Variants in EXD1 observed in about 807,000 individuals in gnomAD.
EXD1 encodes the protein exonuclease 3'-5' domain containing 1, also known as piRNA biogenesis protein EXD1.
EXD1 carries 63 observed loss-of-function variants against 49.1 expected under a neutral mutation model. That is an observed-to-expected ratio of 1.28 (90% CI 1.05 to 1.58). The LOEUF is 1.58. Ranked by LOEUF, EXD1 falls within the 40% of genes most tolerant of loss-of-function variation. The pLI is 0.00. For missense variants in EXD1, 748 were observed against 666.0 expected, an observed-to-expected ratio of 1.12 and a Z score of -1.36; for synonymous variants, 234 against 239.2, an observed-to-expected ratio of 0.98 and a Z score of 0.20.
intron 4 of EXD1, 50 bp from the exon 5 acceptor site, chr15:41,216,845 C>T (rs773727792): frequency 3.6e-5 from 58 of 1,602,086 alleles, no homozygotes; most frequent in South Asian, 2.3e-4. Context: ...TTGTTGTTGA[C>T]ACCAAAAACA....
intron 3 of EXD1, among the ~76,000 whole-genome samples, chr15:41,218,067 A>T (rs2047028278): frequency 6.6e-6 from 1 of 152,198 alleles, no homozygotes; most frequent in African/African-American, 2.4e-5. Flanking sequence ...CTTTGAGCTT[A>T]AAAATTATGA....
In EXD1 at chr15:41,184,468, C is replaced by A; in HGVS notation, c.1182G>T (p.Gln394His). Residue 394 changes from glutamine (Q) to histidine (H), a missense_variant, in exon 12 of 12, where the codon CAG becomes CAT. Gln to His is a conservative substitution (Grantham distance 24, BLOSUM62 0). Coordinates refer to ENST00000458580, the MANE Select transcript of EXD1 (RefSeq NM_001286441.2). Reference protein sequence around the residue: ...AQGLLIRTVLQPKKLVTETAG... With the variant: ...AQGLLIRTVLHPKKLVTETAG... ...CTGTCTCTGTCACTAATTTCTTTGG[C>A]TGTAGCACTGTCCTTATCAGGAGTC... 1 of 1,614,154 alleles carries A rather than the reference C, an allele frequency of 6.2e-7. No homozygotes were observed. Among genetic ancestry groups the A allele is most frequent in the Non-Finnish European group, 8.5e-7 (1 of 1,180,038 alleles).
chr15:41,212,462 A>G (rs970610039), intron 6 of EXD1, among the ~76,000 whole-genome samples: 1 of 151,828 alleles, frequency 6.6e-6, no homozygotes, highest in Non-Finnish European at 1.5e-5. Flanking sequence ...CTCAAAAAAA[A>G]AGAAATTGGA....
chr15:41,207,752 C>A (rs944973921), intron 7 of EXD1, among the ~76,000 whole-genome samples: 8 of 151,818 alleles, frequency 5.3e-5, no homozygotes, highest in African/African-American at 1.9e-4. Context: ...CAGCTGTAGT[C>A]CAGATCCCAG....
intron 1 of EXD1, among the ~76,000 whole-genome samples, chr15:41,230,082 C>CTTTT (rs1156382525): frequency 1.1e-4 from 14 of 122,266 alleles, no homozygotes; most frequent in African/African-American, 3.9e-4. Flanking sequence ...TGGCTTTTAC[C>CTTTT]TTTTTTTTTT....
chr15:41,226,238 C>T lies in EXD1; in HGVS notation c.133+205G>A, dbSNP rs372897950. On this transcript the variant is annotated intron_variant, in intron 2 of 11. Transcript: ENST00000458580. ...CTGCACTCCAGCCTGGGCAACAGAGCGAGACTCCATCTCAAAAAAAAAAAG... is the reference window on the plus strand; with the variant it reads ...CTGCACTCCAGCCTGGGCAACAGAGTGAGACTCCATCTCAAAAAAAAAAAG... Among the ~76,000 whole-genome samples the T allele has an allele frequency of 7.3e-5, 11 of 151,400 alleles. No individual in the cohort carries two copies. The East Asian group carries it at 7.7e-4, about 11-fold the overall frequency.
intron 11 of EXD1, among the ~76,000 whole-genome samples, chr15:41,188,591 C>T (rs991545313): frequency 2.0e-5 from 3 of 151,800 alleles, no homozygotes; most frequent in African/African-American, 7.3e-5. Context: ...CGGGGTTTCA[C>T]CATGTTTGCC....
intron 7 of EXD1, among the ~76,000 whole-genome samples, chr15:41,200,304 C>G (rs1019648369): frequency 1.3e-5 from 2 of 152,132 alleles, no homozygotes; most frequent in African/African-American, 4.8e-5. Context: ...GGGTGGATCA[C>G]CTGAGGTCAG....
chr15:41,215,832 C>T lies in EXD1; in HGVS notation c.390G>A (p.Glu130=). ...LLNDLKYSPS[E]EEEVTYTVIN... ...TGACTGTGTATGTCACCTCCTCTTC[C>T]TCTACAAGACAAGGATTGCATTAGA... The change falls in exon 6 of 12, where the codon GAG becomes GAA. Residue 130 remains glutamate (E), a splice_region_variant and synonymous_variant. Transcript: ENST00000458580. 1 of 1,613,792 alleles carries T rather than the reference C, an allele frequency of 6.2e-7. No homozygotes were observed. Among genetic ancestry groups the T allele is most frequent in the Non-Finnish European group, 8.5e-7 (1 of 1,179,784 alleles).
At chr15:41,188,965 G>C (rs971507451) in intron 11 of EXD1, among the ~76,000 whole-genome samples, 2 of 151,152 alleles carry the variant, frequency 1.3e-5, no homozygotes, top group African/African-American at 4.9e-5. Context: ...ACCACGCCTG[G>C]CTCATTTTTT....
intron 1 of EXD1, among the ~76,000 whole-genome samples, chr15:41,226,951 A>G (rs1344764616): frequency 6.6e-6 from 1 of 152,230 alleles, no homozygotes; most frequent in Non-Finnish European, 1.5e-5. Flanking sequence ...CATTATAACA[A>G]AAAAATGAAA....
At chr15:41,220,778 G>A (rs2047076218) in intron 2 of EXD1, among the ~76,000 whole-genome samples, 2 of 152,192 alleles carry the variant, frequency 1.3e-5, no homozygotes, top group East Asian at 1.9e-4. Context: ...CCAAATAATT[G>A]AGTTCCACCC....
At position 41,226,488 on chromosome 15, in the gene EXD1, C is replaced by T. The variant is rs776577949; in HGVS notation, c.88G>A (p.Val30Met). ...TTATTAGGGTCAACATGCTGAAGCA[C>T]ACCCTCGAAGACACCACAGACCAAT... ...LTLVCGVFEG[V>M]LQHVDPNKIV... is the part of the protein sequence containing the mutation. The change falls in exon 2 of 12, where the codon GTG becomes ATG. Residue 30 changes from valine to methionine, a missense_variant. By Grantham distance (21) the Val-to-Met change is conservative (BLOSUM62 1). Transcript: ENST00000458580. 45 of 1,535,956 alleles carry T rather than the reference C, an allele frequency of 2.9e-5. No homozygotes were observed. The highest frequency in any genetic ancestry group is 3.5e-5 in the Non-Finnish European group (40 of 1,146,898).
At chr15:41,224,977 A>AC (rs397754736) in intron 2 of EXD1, among the ~76,000 whole-genome samples, 2 of 151,584 alleles carry the variant, frequency 1.3e-5, no homozygotes, top group African/African-American at 4.9e-5. Flanking sequence ...TAAAAAAAAA[A>AC]GGATAGCCCT....
At chr15:41,218,136 G>A (rs1238923966) in intron 3 of EXD1, among the ~76,000 whole-genome samples, 1 of 152,126 alleles carries the variant, frequency 6.6e-6, no homozygotes, top group African/African-American at 2.4e-5. Flanking sequence ...CCTGAGGTCA[G>A]GAGTTCGAGA....
At chr15:41,226,812 A>C (rs1186105418) in intron 1 of EXD1, among the ~76,000 whole-genome samples, 184 bp from the exon 2 acceptor site, 1 of 152,190 alleles carries the variant, frequency 6.6e-6, no homozygotes, top group Admixed American at 6.5e-5. Flanking sequence ...GAAACTGAAA[A>C]CTATAAGAAA....
chr15:41,189,259 TCAGGAGGCTGA>T (rs1284177637), intron 11 of EXD1, among the ~76,000 whole-genome samples: 1 of 151,368 alleles, frequency 6.6e-6, no homozygotes, highest in Non-Finnish European at 1.5e-5. Flanking sequence ...TCCCAGCTAC[TCAGGAGGCTGA>T]GGCAGGAGAA....
intron 7 of EXD1, among the ~76,000 whole-genome samples, chr15:41,208,332 G>C (rs1224978247): frequency 1.5e-5 from 2 of 130,408 alleles, no homozygotes; most frequent in African/African-American, 5.9e-5. Context: ...CCAGGAGTTT[G>C]AGACCAGCCT....
intron 2 of EXD1, among the ~76,000 whole-genome samples, chr15:41,224,597 A>T (rs893459194): frequency 6.6e-6 from 1 of 152,050 alleles, no homozygotes; most frequent in Admixed American, 6.6e-5. Context: ...AAAAAAAGAA[A>T]CATTAAATCA....
Sources: gnomAD v4.1 joint callset for allele counts (sites outside exome capture counted in the v4.1 genomes callset) on GRCh38, gnomAD v4.1.1 for gene constraint, MANE v1.5 for transcripts, NCBI Gene and HGNC (gene_info 2026-07-23, HGNC 2026-07-21) for gene names.